Variants in AFF2 observed in about 807,000 individuals in gnomAD.
The protein encoded by AFF2 is ALF transcription elongation factor 2, also known as AF4/FMR2 family member 2.
A neutral mutation model predicts 76.9 loss-of-function variants in AFF2; 14 were observed. That is an observed-to-expected ratio of 0.18 (90% CI 0.12 to 0.28). The LOEUF is 0.28. Among genes scored for constraint, AFF2 ranks in the 10% least tolerant of loss-of-function variants. The probability of loss-of-function intolerance (pLI) is 1.00; values close to 1 mark genes in which losing one functional copy is unlikely to be tolerated. For missense variants in AFF2, 868 were observed against 1,001.1 expected, an observed-to-expected ratio of 0.87 and a Z score of 1.79; for synonymous variants, 398 against 366.7, an observed-to-expected ratio of 1.09 and a Z score of -0.98.
intron 3 of AFF2, among the ~76,000 whole-genome samples, chrX:148,796,550 G>T (rs1186614966): frequency 8.9e-6 from 1 of 112,149 alleles, no homozygotes; most frequent in African/African-American, 3.2e-5. Flanking sequence ...TAGACAATGC[G>T]AAAGTAAGTT....
At chrX:148,686,048 T>C (rs1042323931) in intron 3 of AFF2, among the ~76,000 whole-genome samples, 3 of 111,500 alleles carry the variant, frequency 2.7e-5, no homozygotes, top group Non-Finnish European at 3.8e-5. Flanking sequence ...AAAACAGCTA[T>C]GAATTTTTCT....
chrX:148,874,769 A>G (rs781878361), intron 7 of AFF2, among the ~76,000 whole-genome samples: 8 of 111,593 alleles, frequency 7.2e-5, no homozygotes, highest in South Asian at 3.8e-4. Context: ...TTTATGAGTC[A>G]GTGGCAGTGC....
At position 148,641,585 on chromosome X, in the gene AFF2, G is replaced by A. The variant is rs149358939; in HGVS notation, c.48-10414G>A. On this transcript the variant is annotated intron_variant, in intron 1 of 20. Transcript: ENST00000370460. ...AGGCCTGGAGATTTCATTGTGAACC[G>A]GCTCAGAAATGCAGTCTGTAGGTGC... 5.7e-3 allele frequency among the ~76,000 whole-genome samples: 632 copies of A among 111,674 alleles called. 4 individuals are homozygous for A. Among genetic ancestry groups the A allele is most frequent in the African/African-American group, 0.019 (586 of 30,717 alleles).
chrX:148,843,329 A>C, intron 6 of AFF2, 53 bp from the exon 7 acceptor site: 1 of 1,043,840 alleles, frequency 9.6e-7, no homozygotes, highest in South Asian at 2.0e-5. Flanking sequence ...ATTCAGAATA[A>C]TCATTTGACA....
chrX:148,760,195 C>A (rs937170277), intron 3 of AFF2, among the ~76,000 whole-genome samples: 13 of 111,744 alleles, frequency 1.2e-4, no homozygotes, highest in African/African-American at 3.9e-4. Flanking sequence ...ATAATTCACG[C>A]CCAAGGTAAC....
At chrX:148,863,052 G>C (rs1557276549) in intron 7 of AFF2, among the ~76,000 whole-genome samples, 1 of 111,502 alleles carries the variant, frequency 9.0e-6, no homozygotes, top group Non-Finnish European at 1.9e-5. Context: ...TTTGTACACA[G>C]GGAGATGGCT....
At chrX:148,977,338 G>C (rs1207032169) in intron 16 of AFF2, among the ~76,000 whole-genome samples, 1 of 109,455 alleles carries the variant, frequency 9.1e-6, no homozygotes, top group African/African-American at 3.3e-5. Flanking sequence ...TAAATTAAGG[G>C]TGCTTAGACC....
intron 1 of AFF2, among the ~76,000 whole-genome samples, chrX:148,617,528 G>T (rs782530373): frequency 2.5e-3 from 277 of 110,656 alleles, no homozygotes; most frequent in African/African-American, 8.9e-3. Context: ...TAGGTTGCCT[G>T]TTCACTCTGA....
chrX:148,808,189 A>G (rs73605982), intron 3 of AFF2, among the ~76,000 whole-genome samples: 4,242 of 111,447 alleles, frequency 0.038, 134 homozygotes, highest in African/African-American at 0.11. Context: ...TGGGATGGTC[A>G]CCTTTTTGTA....
intron 3 of AFF2, among the ~76,000 whole-genome samples, chrX:148,675,172 T>A (rs1344748340): frequency 9.0e-6 from 1 of 111,022 alleles, no homozygotes; most frequent in Admixed American, 9.6e-5. Flanking sequence ...ATATCTAGGT[T>A]CCTAAGTGAT....
chrX:148,617,073 C>A (rs782021043), intron 1 of AFF2, among the ~76,000 whole-genome samples: 4 of 111,720 alleles, frequency 3.6e-5, no homozygotes, highest in African/African-American at 1.3e-4. Flanking sequence ...ATTTATAGTC[C>A]TTTGGGTATA....
At chrX:148,903,957 C>T (rs782259863) in intron 8 of AFF2, among the ~76,000 whole-genome samples, 16 of 111,247 alleles carry the variant, frequency 1.4e-4, no homozygotes, top group Non-Finnish European at 2.4e-4. Flanking sequence ...TTTTATGGTC[C>T]CTGATGAACT....
At chrX:148,980,683 A>G in intron 18 of AFF2, 55 bp from the exon 19 acceptor site, 1 of 994,511 alleles carries the variant, frequency 1.0e-6, no homozygotes, top group Non-Finnish European at 1.4e-6. Context: ...TTTCTGAATT[A>G]ATAAAACACA....
At chrX:148,766,860 T>C (rs1248739942) in intron 3 of AFF2, among the ~76,000 whole-genome samples, 4 of 112,096 alleles carry the variant, frequency 3.6e-5, no homozygotes, top group African/African-American at 6.5e-5. Flanking sequence ...AATTTCCCAG[T>C]ACTCAGAAGT....
intron 3 of AFF2, among the ~76,000 whole-genome samples, chrX:148,669,463 G>A (rs1320624085): frequency 8.9e-6 from 1 of 112,013 alleles, no homozygotes; most frequent in South Asian, 3.7e-4. Context: ...ACAAAAGAAA[G>A]ATTTAACGGA....
At chrX:148,761,471 T>G (rs1211711205) in intron 3 of AFF2, among the ~76,000 whole-genome samples, 11 of 108,648 alleles carry the variant, frequency 1.0e-4, no homozygotes, top group African/African-American at 3.0e-4. Context: ...TTTTTTGTTT[T>G]TTTTTTTTTT....
chrX:148,712,757 T>A (rs370104130), intron 3 of AFF2, among the ~76,000 whole-genome samples: 22 of 112,177 alleles, frequency 2.0e-4, no homozygotes, highest in African/African-American at 6.8e-4. Context: ...CGACATTTAT[T>A]GTGTACCTAC....
chrX:148,718,043 G>A (rs782420654), intron 3 of AFF2, among the ~76,000 whole-genome samples: 1 of 105,497 alleles, frequency 9.5e-6, no homozygotes, highest in East Asian at 3.0e-4. Flanking sequence ...TTTTAACATA[G>A]AATGCATCTT....
At chrX:148,650,175 C>T (rs1196817327) in intron 1 of AFF2, among the ~76,000 whole-genome samples, 5 of 110,897 alleles carry the variant, frequency 4.5e-5, no homozygotes, top group Non-Finnish European at 5.7e-5. Context: ...TGTTGAGGTA[C>T]GGTCACAAGC....
Sources: allele counts gnomAD v4.1 joint callset (sites outside exome capture counted in the v4.1 genomes callset), GRCh38; gene constraint gnomAD v4.1.1; transcripts MANE v1.5; gene names NCBI Gene and HGNC (gene_info 2026-07-23, HGNC 2026-07-21).